The following LARGE1 variants were observed in gnomAD, a reference collection of about 807,000 sequenced individuals.
LARGE1 encodes LARGE xylosyl- and glucuronyltransferase 1.
In LARGE1, 43 loss-of-function variants were observed where a neutral mutation model predicts 87.6. That is an observed-to-expected ratio of 0.49 (90% confidence interval 0.38 to 0.63). LARGE1 has a LOEUF of 0.63. Among genes scored for constraint, LARGE1 ranks in the 30% least tolerant of loss-of-function variants. The pLI is 0.00. For missense variants in LARGE1, 802 were observed against 1,000.2 expected (o/e 0.80, Z 2.67); for synonymous variants, 434 against 394.6 (o/e 1.10, Z -1.18).
At chr22:33,363,786 C>A (rs1348634621) in intron 9 of LARGE1, among the ~76,000 whole-genome samples, 1 of 149,964 alleles carries the variant, frequency 6.7e-6, no homozygotes, top group Non-Finnish European at 1.5e-5. Flanking sequence ...ATTAGGGCGA[C>A]TTGAACACAA....
At chr22:33,189,610 T>C (rs1923670704) in intron 11 of LARGE1, among the ~76,000 whole-genome samples, 1 of 152,066 alleles carries the variant, frequency 6.6e-6, no homozygotes, top group South Asian at 2.1e-4. Flanking sequence ...TTTGTAAAAT[T>C]TGTGAGTGGT....
At chr22:33,614,961 G>A (rs1351164600) in intron 4 of LARGE1, among the ~76,000 whole-genome samples, 1 of 152,142 alleles carries the variant, frequency 6.6e-6, no homozygotes, top group Non-Finnish European at 1.5e-5. Context: ...CCTTTTCCTG[G>A]ACCATCTACG....
intron 3 of LARGE1, among the ~76,000 whole-genome samples, chr22:33,634,978 C>T (rs532739839): frequency 9.2e-5 from 14 of 152,056 alleles, no homozygotes; most frequent in South Asian, 6.3e-4. Flanking sequence ...ATTAGCCAGG[C>T]GCAGTGGCGG....
At chr22:33,630,738 T>C (rs2080083512) in intron 3 of LARGE1, among the ~76,000 whole-genome samples, 1 of 152,346 alleles carries the variant, frequency 6.6e-6, no homozygotes, top group African/African-American at 2.4e-5. Flanking sequence ...ACTTAGTTTA[T>C]AAACATGGTA....
chr22:33,093,772 G>A, the LARGE1 span, among the ~76,000 whole-genome samples: 2 of 151,634 alleles, frequency 1.3e-5, no homozygotes, highest in Admixed American at 1.3e-4. Flanking sequence ...GGGATGGAGG[G>A]GCTGATGGGA....
chr22:33,121,405 C>T, the LARGE1 span, among the ~76,000 whole-genome samples: 1 of 152,172 alleles, frequency 6.6e-6, no homozygotes, highest in African/African-American at 2.4e-5. Flanking sequence ...TTAAGAATGC[C>T]TGTTGTGAGG....
chr22:33,595,706 T>G (rs370607980), intron 5 of LARGE1, among the ~76,000 whole-genome samples: 1 of 152,196 alleles, frequency 6.6e-6, no homozygotes, highest in African/African-American at 2.4e-5. Flanking sequence ...GCTCAAAACA[T>G]AGAAGCCAGG....
intron 11 of LARGE1, among the ~76,000 whole-genome samples, chr22:33,218,500 C>T (rs1214418154): frequency 2.0e-5 from 3 of 152,164 alleles, no homozygotes; most frequent in Non-Finnish European, 2.9e-5. Flanking sequence ...GGTCTCTTCC[C>T]TCTTCCAAAT....
chr22:33,259,319 A>AAC lies in LARGE1; in HGVS notation c.1730+44908_1730+44909dup, dbSNP rs3071499. On this transcript the variant is annotated intron_variant, in intron 11 of 11. Coordinates refer to the LARGE1 transcript ENST00000608642. ...ACTATCCACGAGAAATCCAAAGGGC[A>AAC]ACACACACACACACACACACACACA... Among the ~76,000 whole-genome samples, 1,365 of 145,284 alleles carry AAC rather than the reference A, an allele frequency of 9.4e-3. 8 individuals carry two copies. The highest frequency in any genetic ancestry group is 0.046 in the Middle Eastern group (13 of 282).
At chr22:33,359,818 C>A (rs1338909712) in intron 9 of LARGE1, among the ~76,000 whole-genome samples, 1 of 149,248 alleles carries the variant, frequency 6.7e-6, no homozygotes, top group Non-Finnish European at 1.5e-5. Context: ...CCCGCCTCGG[C>A]CTCCCAAAGT....
the LARGE1 span, among the ~76,000 whole-genome samples, chr22:33,154,837 T>C: frequency 6.6e-6 from 1 of 152,236 alleles, no homozygotes; most frequent in Admixed American, 6.5e-5. Flanking sequence ...ACTGCCACAG[T>C]TCCCATGTGT....
intron 12 of LARGE1, among the ~76,000 whole-genome samples, chr22:33,287,330 C>G (rs1007097159): frequency 3.9e-5 from 6 of 152,200 alleles, no homozygotes; most frequent in Non-Finnish European, 8.8e-5. Flanking sequence ...CTCACAATTA[C>G]AGTCCTAGCA....
At chr22:33,096,756 G>A in the LARGE1 span, among the ~76,000 whole-genome samples, 1 of 152,008 alleles carries the variant, frequency 6.6e-6, no homozygotes, top group Non-Finnish European at 1.5e-5. Flanking sequence ...CAGTAGAGAC[G>A]GGGTTTCACT....
the LARGE1 span, among the ~76,000 whole-genome samples, chr22:33,124,186 CTGAGGCAGGAGAATCACT>C: frequency 2.4e-4 from 37 of 152,074 alleles, 2 homozygotes; most frequent in African/African-American, 8.7e-4. Flanking sequence ...ACTCGAGCGG[CTGAGGCAGGAGAATCACT>C]TGAGGCAGGA....
At chr22:33,433,093 G>A (rs1255713637) in intron 6 of LARGE1, among the ~76,000 whole-genome samples, 1 of 152,086 alleles carries the variant, frequency 6.6e-6, no homozygotes, top group Non-Finnish European at 1.5e-5. Context: ...CATGCAGAAG[G>A]CCTTCTCTTG....
chr22:33,458,019 T>C (rs1304283446), intron 6 of LARGE1, among the ~76,000 whole-genome samples: 1 of 152,206 alleles, frequency 6.6e-6, no homozygotes, highest in South Asian at 2.1e-4. Flanking sequence ...AAGTTTATTA[T>C]AAAGACTAGA....
chr22:33,628,008 C>T (rs1427353096), intron 3 of LARGE1, among the ~76,000 whole-genome samples: 1 of 152,136 alleles, frequency 6.6e-6, no homozygotes. Flanking sequence ...GCTCTCAGCT[C>T]CCGTATGCAC....
intron 3 of LARGE1, among the ~76,000 whole-genome samples, chr22:33,635,144 C>T (rs2080233413): frequency 6.6e-6 from 1 of 151,818 alleles, no homozygotes; most frequent in Non-Finnish European, 1.5e-5. Context: ...AAAAGAATCC[C>T]ACAGTGGCCA....
chr22:33,426,362 G>A, intron 7 of LARGE1, among the ~76,000 whole-genome samples: 1 of 152,112 alleles, frequency 6.6e-6, no homozygotes. Flanking sequence ...TTTAAATATA[G>A]CTTCTCTGGA....
Sources: gnomAD v4.1 joint callset for allele counts (sites outside exome capture counted in the v4.1 genomes callset) on GRCh38, gnomAD v4.1.1 for gene constraint, MANE v1.5 for transcripts, NCBI Gene and HGNC (gene_info 2026-07-23, HGNC 2026-07-21) for gene names.